The following ATP8A1 variants were observed in gnomAD, a reference collection of about 807,000 sequenced individuals.
ATP8A1 encodes ATPase phospholipid transporting 8A1.
ATP8A1 carries 90 observed loss-of-function variants against 177.7 expected under a neutral mutation model. The observed-to-expected ratio is 0.51, with a 90% CI of 0.43 to 0.60. ATP8A1 has a LOEUF of 0.60. Ranked by LOEUF, ATP8A1 falls within the 20% of genes least tolerant of loss-of-function variation. The probability of loss-of-function intolerance (pLI) is 0.00; values close to 1 mark genes in which losing one functional copy is unlikely to be tolerated. For synonymous variants in ATP8A1, 493 were observed against 485.9 expected, an observed-to-expected ratio of 1.01 and a Z score of -0.19; for missense variants, 1,072 against 1,392.8, an observed-to-expected ratio of 0.77 and a Z score of 3.67.
chr4:42,587,894 C>T (rs1733789045), intron 8 of ATP8A1, among the ~76,000 whole-genome samples: 1 of 152,196 alleles, frequency 6.6e-6, no homozygotes, highest in Admixed American at 6.5e-5. Context: ...AGGCGTGAGC[C>T]ACCGCGCCCG....
chr4:42,426,353 T>C (rs1714617935), intron 33 of ATP8A1, among the ~76,000 whole-genome samples: 1 of 152,330 alleles, frequency 6.6e-6, no homozygotes, highest in Non-Finnish European at 1.5e-5. Context: ...GTTTACACTA[T>C]TAATATCAGA....
chr4:42,535,767 C>A (rs920469423), intron 20 of ATP8A1, among the ~76,000 whole-genome samples: 9 of 152,174 alleles, frequency 5.9e-5, no homozygotes, highest in African/African-American at 2.2e-4. Context: ...CAAGTACTAT[C>A]TTAGACCACA....
chr4:42,529,386 T>C (rs1178242385), intron 20 of ATP8A1, among the ~76,000 whole-genome samples: 2 of 152,208 alleles, frequency 1.3e-5, no homozygotes, highest in Middle Eastern at 3.2e-3. Context: ...CATTTGACCA[T>C]GGGTCATCAA....
intron 1 of ATP8A1, among the ~76,000 whole-genome samples, chr4:42,654,325 A>C (rs1356168941): frequency 6.6e-6 from 1 of 152,030 alleles, no homozygotes; most frequent in African/African-American, 2.4e-5. Flanking sequence ...CTTTCTCCCC[A>C]GTTTGGTTGT....
chr4:42,473,818 GTGT>G (rs1228150705), intron 25 of ATP8A1, among the ~76,000 whole-genome samples: 4 of 98,200 alleles, frequency 4.1e-5, no homozygotes, highest in Admixed American at 1.0e-4. Context: ...GCTAATTTTT[GTGT>G]TTTTTTTTTT....
At position 42,645,987 on chromosome 4, in the gene ATP8A1, T is replaced by TGGAAAGGGCC. The variant is rs1286615426; in HGVS notation, c.49+10837_49+10838insGGCCCTTTCC. ...TAGAAGGGAACTGGAAAGGGCCAAC[T>TGGAAAGGGCC]AGTCGCAGCCACTGGAATAACAATA... On this transcript the variant is annotated intron_variant, in intron 1 of 36. Coordinates refer to ENST00000381668, the MANE Select transcript of ATP8A1 (RefSeq NM_006095.2). 4.6e-5 allele frequency among the ~76,000 whole-genome samples: 7 copies of TGGAAAGGGCC among 150,634 alleles called. No individual in the cohort carries two copies. In the East Asian group the frequency reaches 1.2e-3, roughly 25 times the overall value.
At chr4:42,651,969 T>G (rs1741141290) in intron 1 of ATP8A1, among the ~76,000 whole-genome samples, 1 of 152,234 alleles carries the variant, frequency 6.6e-6, no homozygotes, top group African/African-American at 2.4e-5. Context: ...GGCAGCTAAA[T>G]AAAGAGACCT....
At chr4:42,494,173 A>AG (rs949544302) in intron 24 of ATP8A1, among the ~76,000 whole-genome samples, 1 of 148,776 alleles carries the variant, frequency 6.7e-6, no homozygotes, top group African/African-American at 2.5e-5. Context: ...AAAAAAAAAA[A>AG]AAAAAAAAAA....
At chr4:42,639,676 G>A (rs910767673) in intron 1 of ATP8A1, among the ~76,000 whole-genome samples, 8 of 152,162 alleles carry the variant, frequency 5.3e-5, no homozygotes, top group African/African-American at 1.9e-4. Flanking sequence ...CTAACCTACA[G>A]AACTGTGAGA....
At chr4:42,578,794 A>T (rs1447785720) in intron 11 of ATP8A1, among the ~76,000 whole-genome samples, 1 of 152,154 alleles carries the variant, frequency 6.6e-6, no homozygotes, top group East Asian at 1.9e-4. Context: ...CAGCAGCAGC[A>T]AAAACAATCC....
At chr4:42,457,806 A>G (rs1442155674) in intron 27 of ATP8A1, among the ~76,000 whole-genome samples, 3 of 152,216 alleles carry the variant, frequency 2.0e-5, no homozygotes, top group Non-Finnish European at 4.4e-5. Context: ...ATAATTTGCA[A>G]GTAAACTAAC....
chr4:42,503,513 T>C lies in ATP8A1; in HGVS notation c.2088A>G (p.Gly696=). ...TCTTCTTCAACAGTTTGCAGGAGTG[T>C]CCTGTATCCAAACACAGAGTATATT... is the stretch of plus-strand genomic sequence containing the variant. ...GDKQETAINI[G]HSCKLLKKNM... is the part of the protein sequence containing the mutation. Residue 696 remains glycine, a splice_region_variant and synonymous_variant, in exon 24 of 37, where the codon GGA becomes GGG. Transcript: ENST00000381668. 1 of 1,597,892 alleles carries C rather than the reference T, an allele frequency of 6.3e-7. No homozygotes were observed. Among genetic ancestry groups the C allele is most frequent in the Non-Finnish European group, 8.6e-7 (1 of 1,168,718 alleles).
intron 10 of ATP8A1, 94 bp downstream of exon 10, chr4:42,581,527 G>A (rs1389003759): frequency 1.2e-6 from 1 of 867,618 alleles, no homozygotes; most frequent in Non-Finnish European, 1.9e-6. Context: ...TGTGACAGAT[G>A]GTCTCCTATG....
At chr4:42,460,038 C>A (rs373615399) in intron 27 of ATP8A1, among the ~76,000 whole-genome samples, 61 of 152,164 alleles carry the variant, frequency 4.0e-4, no homozygotes, top group African/African-American at 1.2e-3. Context: ...TGATCCACCC[C>A]CCTCGGCCTC....
intron 1 of ATP8A1, among the ~76,000 whole-genome samples, chr4:42,650,910 T>C (rs987017299): frequency 3.3e-5 from 5 of 152,174 alleles, no homozygotes; most frequent in Admixed American, 6.5e-5. Context: ...GTTGTCTGCC[T>C]GATATAGTTT....
chr4:42,552,902 C>CCGGGAGG (rs1420921362), intron 16 of ATP8A1, among the ~76,000 whole-genome samples: 3 of 152,152 alleles, frequency 2.0e-5, no homozygotes, highest in Admixed American at 1.3e-4. Flanking sequence ...TCGCTTGAAC[C>CCGGGAGG]CGGGAGGCGG....
intron 4 of ATP8A1, among the ~76,000 whole-genome samples, chr4:42,622,847 T>A (rs1737622639): frequency 1.3e-5 from 2 of 151,998 alleles, no homozygotes; most frequent in South Asian, 4.1e-4. Context: ...CTGTCAGTAC[T>A]AATAATACAA....
chr4:42,574,734 A>G, intron 13 of ATP8A1, 27 bp from the exon 14 acceptor site: 5 of 1,519,054 alleles, frequency 3.3e-6, no homozygotes, highest in Non-Finnish European at 3.6e-6. Flanking sequence ...TTTCTCATTA[A>G]TATTTTGAAA....
intron 25 of ATP8A1, among the ~76,000 whole-genome samples, chr4:42,476,502 C>T (rs1176031848): frequency 2.0e-5 from 3 of 151,848 alleles, no homozygotes; most frequent in African/African-American, 7.3e-5. Flanking sequence ...GCCTGTAGTC[C>T]CAGCTACTCG....
Sources: allele counts gnomAD v4.1 joint callset (sites outside exome capture counted in the v4.1 genomes callset), GRCh38; gene constraint gnomAD v4.1.1; transcripts MANE v1.5; gene names NCBI Gene and HGNC (gene_info 2026-07-23, HGNC 2026-07-21).